Variants in PLEKHG2 observed in about 807,000 individuals in gnomAD.
PLEKHG2 encodes the protein pleckstrin homology domain-containing family G member 2.
PLEKHG2 carries 71 observed loss-of-function variants against 104.4 expected under a neutral mutation model. The ratio of observed to expected loss-of-function variants is 0.68; its 90% confidence interval spans 0.56 to 0.83. PLEKHG2 has a LOEUF of 0.83. Among genes scored for constraint, PLEKHG2 ranks in the 40% least tolerant of loss-of-function variants. The probability of loss-of-function intolerance (pLI) is 0.00; values close to 1 mark genes in which losing one functional copy is unlikely to be tolerated. For missense variants in PLEKHG2, 1,730 were observed against 1,809.4 expected (o/e 0.96, Z 0.80); for synonymous variants, 728 against 737.0 (o/e 0.99, Z 0.20).
In PLEKHG2 at chr19:39,416,273, C is replaced by T. The variant is rs62119732; in HGVS notation, c.480-75C>T. On this transcript the variant is annotated intron_variant, in intron 4 of 18. Transcript: ENST00000425673. This position sits in a 1 kb window ranked among gnomAD's most constrained non-coding sequence, Gnocchi z 4.5. Reference sequence around the variant, plus strand: ...CCCCAGCCCCAGCAGACCATTGGGGCCTCAGCCTCCTGGAGGCCTCCCATG... The same window carrying T: ...CCCCAGCCCCAGCAGACCATTGGGGTCTCAGCCTCCTGGAGGCCTCCCATG... 8.9e-6 allele frequency: 13 copies of T among 1,461,148 alleles called. 1 individual carries two copies. The East Asian group carries it at 2.9e-4, about 33-fold the overall frequency. The allele number at this position is 1,461,148 out of a possible 1,614,324, so 90.5% of individuals were successfully genotyped here. A position where few individuals can be genotyped will look rare whatever the true frequency, so the allele number is the denominator to read the frequency against.
chr19:39,415,189 C>T lies in PLEKHG2; in HGVS notation c.307C>T (p.Leu103=). ...GIPGSARPSR[L]ERVAREIVET... Reference sequence around the variant, plus strand: ...CCCAGGTTCAGCCAGACCCTCAAGGCTGGAGCGTGTGGCCCGGGAGATCGT... The same window carrying T: ...CCCAGGTTCAGCCAGACCCTCAAGGTTGGAGCGTGTGGCCCGGGAGATCGT... Residue 103 remains leucine, a synonymous_variant, in exon 3 of 19, where the codon CTG becomes TTG. Transcript: ENST00000425673. This position sits in a 1 kb window ranked among gnomAD's most constrained non-coding sequence, Gnocchi z 4.6. The T allele has an allele frequency of 6.3e-7, 1 of 1,590,632 alleles. No individual in the cohort carries two copies. The highest frequency in any genetic ancestry group is 8.6e-7 in the Non-Finnish European group (1 of 1,167,748).
rs529100321 is a variant in PLEKHG2, at chr19:39,420,618, T to C, written c.1264-8T>C. 6.2e-7 allele frequency: 1 copy of C among 1,614,130 alleles called. No individual in the cohort carries two copies. The highest frequency in any genetic ancestry group is 1.1e-5 in the South Asian group (1 of 91,078). On this transcript the variant is annotated splice_polypyrimidine_tract_variant and splice_region_variant and intron_variant, in intron 11 of 18. Coordinates refer to ENST00000425673, the MANE Select transcript of PLEKHG2 (RefSeq NM_022835.3). ...ACCCACCTCAGCCCTCATCCTCCTG[T>C]CTTTCAGGCAAAGCAAGTTCTCCTT... is the stretch of plus-strand genomic sequence containing the variant.
Position 39,416,431 on chromosome 19 carries a change from G to A in PLEKHG2, c.546+17G>A. 6 of 1,613,126 alleles carry A rather than the reference G, an allele frequency of 3.7e-6. No homozygotes were observed. Among genetic ancestry groups the A allele is most frequent in the South Asian group, 1.1e-5 (1 of 91,052 alleles). ...GTGCAGAGGGTGAGTGGAGGGGTGG[G>A]GGGCTCTCGGTCCTGGATGGGGCCT... On this transcript the variant is annotated intron_variant, in intron 5 of 18. Coordinates refer to ENST00000425673, the MANE Select transcript of PLEKHG2 (RefSeq NM_022835.3). The surrounding 1 kb of genome is among the most constrained non-coding windows in gnomAD (Gnocchi z 4.5).
In PLEKHG2 at chr19:39,424,856, A is replaced by G; in HGVS notation, c.3723A>G (p.Gly1241=). The change falls in exon 19 of 19, where the codon GGA becomes GGG. Residue 1241 remains glycine (G), a synonymous_variant. Coordinates refer to ENST00000425673, the MANE Select transcript of PLEKHG2 (RefSeq NM_022835.3). ...CCACCATGGTTTTGTCCAAACCAGG[A>G]GGCTCCTTAGCCTCTCACGTTGCCA... ...VQTTMVLSKP[G]GSLASHVARL... is the part of the protein sequence containing the mutation. 5.0e-6 allele frequency: 8 copies of G among 1,614,182 alleles called. No homozygotes were observed. Among genetic ancestry groups the G allele is most frequent in the Non-Finnish European group, 6.8e-6 (8 of 1,180,024 alleles).
rs2078767127 is a variant in PLEKHG2 at position 39,425,222 on chromosome 19, C to G, written c.4089C>G (p.Leu1363=). The change falls in exon 19 of 19, where the codon CTC becomes CTG. Residue 1363 remains leucine (L), a synonymous_variant. Coordinates refer to ENST00000425673, the MANE Select transcript of PLEKHG2 (RefSeq NM_022835.3). Reference sequence around the variant, plus strand: ...AGGTCCGGTTGAACCACCCTGCTCTCTTGGCCTCCACACAGGAATCTATGG... The same window carrying G: ...AGGTCCGGTTGAACCACCCTGCTCTGTTGGCCTCCACACAGGAATCTATGG... ...KAQVRLNHPA[L]LASTQESMGL... The G allele has an allele frequency of 1.9e-6, 3 of 1,613,326 alleles. No individual in the cohort carries two copies. The highest frequency in any genetic ancestry group is 2.7e-5 in the African/African-American group (2 of 74,940).
chr19:39,418,052 C>T lies in PLEKHG2; in HGVS notation c.1030C>T (p.Leu344=), dbSNP rs2078637279. 2 of 1,545,786 alleles carry T rather than the reference C, an allele frequency of 1.3e-6. No individual in the cohort carries two copies. The highest frequency in any genetic ancestry group is 2.7e-5 in the African/African-American group (2 of 72,910). Residue 344 remains leucine (L), a synonymous_variant, in exon 9 of 19, where the codon CTG becomes TTG. Transcript: ENST00000425673. ...ERLLFLFSRM[L]LVAKRRGLEY... is the part of the protein sequence containing the mutation. ...GCTGCTCTTCCTGTTCTCTCGGATG[C>T]TGCTGGTGGCCAAGCGCAGGGGGCT...
rs2078804723 is a variant in PLEKHG2, at chr19:39,428,279, A to G, written c.*2985A>G. On this transcript the variant is annotated 3_prime_UTR_variant, in exon 19 of 19. Transcript: ENST00000425673. ...GTGCTGTTCTTGCCAGTGGGGATACATGAGAGAACACTGCCTTGCCCGCAT... is the reference window on the plus strand; with the variant it reads ...GTGCTGTTCTTGCCAGTGGGGATACGTGAGAGAACACTGCCTTGCCCGCAT... 1 of 152,298 alleles carries G rather than the reference A, an allele frequency of 6.6e-6. No individual in the cohort carries two copies. The highest frequency in any genetic ancestry group is 1.5e-5 in the Non-Finnish European group (1 of 68,076). 9.4% of individuals were successfully genotyped at this position (152,298 alleles called of 1,614,324 possible).
chr19:39,414,031 G>T, intron 1 of PLEKHG2, 34 bp from the exon 2 acceptor site: 1 of 1,456,552 alleles, frequency 6.9e-7, no homozygotes, highest in South Asian at 1.2e-5. Flanking sequence ...AGGCCCATGG[G>T]GTCCTGATAT....
Position 39,423,634 on chromosome 19 carries a change from C to A in PLEKHG2, c.2580C>A (p.Pro860=). ...AACCCCAGCCATCCCCCTGTCTGCC[C>A]CAGGAGCAGGCAGAGCCAGGTGAGG... ...LAQPQPSPCL[P]QEQAEPGLLP... Residue 860 remains proline, a synonymous_variant, in exon 18 of 19, where the codon CCC becomes CCA. Coordinates refer to ENST00000425673, the MANE Select transcript of PLEKHG2 (RefSeq NM_022835.3). 1 of 1,537,734 alleles carries A rather than the reference C, an allele frequency of 6.5e-7. No homozygotes were observed. The highest frequency in any genetic ancestry group is 1.3e-5 in the South Asian group (1 of 77,790).
chr19:39,424,952 T>C lies in PLEKHG2; in HGVS notation c.3819T>C (p.Asn1273=). Residue 1273 remains asparagine (N), a synonymous_variant, in exon 19 of 19, where the codon AAT becomes AAC. Transcript: ENST00000425673. ...PPSSRQLLGP[N]AAALSRYLAA... The stretch of plus-strand genomic sequence containing the variant: ...CCAGCCGTCAGCTCCTGGGCCCCAA[T>C]GCAGCTGCCCTCTCCAGATACCTGG... 6.2e-7 allele frequency: 1 copy of C among 1,614,188 alleles called. No individual in the cohort carries two copies. Among genetic ancestry groups the C allele is most frequent in the South Asian group, 1.1e-5 (1 of 91,088 alleles).
rs765197443 is a variant in PLEKHG2 at position 39,423,136 on chromosome 19, G to T, written c.2082G>T (p.Trp694Cys). ...SSTPTLSCDS[W>C]LQGPLQEPAE... ...CTCCCACCCTCTCCTGTGACTCCTG[G>T]CTCCAAGGGCCTCTGCAGGAACCAG... Residue 694 changes from tryptophan to cysteine, a missense_variant, in exon 18 of 19, where the codon TGG becomes TGT. Physicochemically the swap from Trp to Cys is radical, Grantham distance 215. Coordinates refer to ENST00000425673, the MANE Select transcript of PLEKHG2 (RefSeq NM_022835.3). 2 of 1,613,994 alleles carry T rather than the reference G, an allele frequency of 1.2e-6. No homozygotes were observed. Among genetic ancestry groups the T allele is most frequent in the Non-Finnish European group, 1.7e-6 (2 of 1,179,888 alleles).
intron 11 of PLEKHG2, 94 bp downstream of exon 11, chr19:39,419,097 T>C (rs933471499): frequency 3.4e-5 from 40 of 1,172,362 alleles, no homozygotes; most frequent in Non-Finnish European, 4.8e-5. Context: ...GCCAGAGCAG[T>C]CTGTTATAAT....
chr19:39,419,439 A>G (rs2078661860), intron 11 of PLEKHG2, among the ~76,000 whole-genome samples: 2 of 151,840 alleles, frequency 1.3e-5, no homozygotes, highest in East Asian at 1.9e-4. Context: ...TCTAAAAAAC[A>G]TTTTTTAATT....
At chr19:39,421,469 C>T (rs1418404128) in intron 16 of PLEKHG2, among the ~76,000 whole-genome samples, 170 bp downstream of exon 16, 3 of 151,932 alleles carry the variant, frequency 2.0e-5, no homozygotes, top group Non-Finnish European at 2.9e-5. Context: ...GAGGATTGCT[C>T]GAGCCCAGGA....
In PLEKHG2 at chr19:39,426,871, T is replaced by A. The variant is rs907612802; in HGVS notation, c.*1577T>A. On this transcript the variant is annotated 3_prime_UTR_variant, in exon 19 of 19. Coordinates refer to ENST00000425673, the MANE Select transcript of PLEKHG2 (RefSeq NM_022835.3). ...TTTTTTTTTTTTTTTTTAGATAAAG[T>A]CTCACTCTGTCACCCAGGCTTGAGT... 1 of 149,410 alleles carries A rather than the reference T, an allele frequency of 6.7e-6. No homozygotes were observed. The highest frequency in any genetic ancestry group is 2.5e-5 in the African/African-American group (1 of 40,218). The allele number at this position is 149,410 out of a possible 1,614,324, so 9.3% of individuals were successfully genotyped here.
At position 39,425,218 on chromosome 19, in the gene PLEKHG2, C is replaced by T; in HGVS notation, c.4085C>T (p.Ala1362Val). The change falls in exon 19 of 19, where the codon GCT becomes GTT. Residue 1362 changes from alanine to valine, a missense_variant. Coordinates refer to ENST00000425673, the MANE Select transcript of PLEKHG2 (RefSeq NM_022835.3). Reference sequence around the variant, plus strand: ...GCCCAGGTCCGGTTGAACCACCCTGCTCTCTTGGCCTCCACACAGGAATCT... The same window carrying T: ...GCCCAGGTCCGGTTGAACCACCCTGTTCTCTTGGCCTCCACACAGGAATCT... ...AKAQVRLNHP[A>V]LLASTQESMG... 6.2e-7 allele frequency: 1 copy of T among 1,613,374 alleles called. No homozygotes were observed. The highest frequency in any genetic ancestry group is 8.5e-7 in the Non-Finnish European group (1 of 1,179,976).
chr19:39,415,059 C>T lies in PLEKHG2; in HGVS notation c.177C>T (p.Gly59=), dbSNP rs779564674. ...GCTCCACATCCCTGAGCACAGTGGG[C>T]TCTGAGGGGGATCCAGCCCCTGGGC... The part of the protein sequence containing the change: ...SGSSTSLSTV[G]SEGDPAPGPT... The change falls in exon 3 of 19, where the codon GGC becomes GGT. Residue 59 remains glycine, a synonymous_variant. Transcript: ENST00000425673. This position sits in a 1 kb window ranked among gnomAD's most constrained non-coding sequence, Gnocchi z 4.6. 6.3e-7 allele frequency: 1 copy of T among 1,593,960 alleles called. No individual in the cohort carries two copies. The highest frequency in any genetic ancestry group is 8.5e-7 in the Non-Finnish European group (1 of 1,170,826).
rs148805217 is a variant in PLEKHG2, at chr19:39,422,993, C to A, written c.1939C>A (p.Arg647Ser). ...GCCCAACCTTCCTGAAATTCCCAGC[C>A]GCTGTGAAATTCCCGAAGGTTCTCG... Reference protein sequence around the residue: ...DVPNLPEIPSRCEIPEGSRLP... With the variant: ...DVPNLPEIPSSCEIPEGSRLP... Residue 647 changes from arginine (R) to serine (S), a missense_variant, in exon 18 of 19, where the codon CGC becomes AGC. Coordinates refer to ENST00000425673, the MANE Select transcript of PLEKHG2 (RefSeq NM_022835.3). 1.2e-6 allele frequency: 2 copies of A among 1,614,224 alleles called. No individual in the cohort carries two copies. Among genetic ancestry groups the A allele is most frequent in the Non-Finnish European group, 1.7e-6 (2 of 1,180,038 alleles).
Position 39,427,033 on chromosome 19 carries a change from G to T in PLEKHG2, c.*1739G>T, listed in dbSNP as rs1427976043. ...CTAATTTTTCGTTGTTGTTGTTGTT[G>T]TTTTGTTTTTGAGACAGAGTCTCGC... On this transcript the variant is annotated 3_prime_UTR_variant, in exon 19 of 19. Coordinates refer to ENST00000425673, the MANE Select transcript of PLEKHG2 (RefSeq NM_022835.3). 1 of 151,676 alleles carries T rather than the reference G, an allele frequency of 6.6e-6. No homozygotes were observed. Among genetic ancestry groups the T allele is most frequent in the African/African-American group, 2.4e-5 (1 of 41,236 alleles). 9.4% of individuals were successfully genotyped at this position (151,676 alleles called of 1,614,324 possible).
Sources: allele counts gnomAD v4.1 joint callset (sites outside exome capture counted in the v4.1 genomes callset), GRCh38; gene constraint gnomAD v4.1.1; non-coding constraint Gnocchi (gnomAD v3.1); transcripts MANE v1.5; gene names NCBI Gene and HGNC (gene_info 2026-07-23, HGNC 2026-07-21).